Variants in STON1 observed in about 807,000 individuals in gnomAD.
The protein encoded by STON1 is stonin-1.
STON1 carries 79 observed loss-of-function variants against 60.9 expected under a neutral mutation model. The observed-to-expected ratio is 1.30, with a 90% CI of 1.08 to 1.56. STON1 has a LOEUF of 1.56. Ranked by LOEUF, STON1 falls within the 40% of genes most tolerant of loss-of-function variation. The pLI, the probability that STON1 is intolerant of heterozygous loss-of-function variation, is 0.00. For synonymous variants in STON1, 363 were observed against 306.9 expected (o/e 1.18, Z -1.91); for missense variants, 1,166 against 858.9 (o/e 1.36, Z -4.47).
At chr2:48,547,050 TATACTC>T (rs1244984563) in intron 1 of STON1, among the ~76,000 whole-genome samples, 4 of 152,140 alleles carry the variant, frequency 2.6e-5, no homozygotes, top group African/African-American at 9.7e-5. Flanking sequence ...CTATGGAAAA[TATACTC>T]AGAAGAGAGG....
chr2:48,587,582 C>G (rs186934198), intron 2 of STON1, among the ~76,000 whole-genome samples: 16 of 152,214 alleles, frequency 1.1e-4, no homozygotes, highest in Non-Finnish European at 8.8e-5. Context: ...TGAGCCACTG[C>G]GTCCGGCCTC....
Position 48,580,600 on chromosome 2 carries a change from G to T in STON1, c.-34G>T. ...TTTTTTTAACAGAGTCAACCTATTT[G>T]ATTTCTTGACAAGACCACAATCTGA... is the stretch of plus-strand genomic sequence containing the variant. On this transcript the variant is annotated 5_prime_UTR_variant, in exon 2 of 4. Transcript: ENST00000404752. 7.6e-7 allele frequency: 1 copy of T among 1,322,086 alleles called. No individual in the cohort carries two copies. Among genetic ancestry groups the T allele is most frequent in the Non-Finnish European group, 9.7e-7 (1 of 1,027,420 alleles). The allele number at this position is 1,322,086 out of a possible 1,614,324, so 81.9% of individuals were successfully genotyped here.
rs755677089 is a variant in STON1 at position 48,591,728 on chromosome 2, C to A, written c.2006C>A (p.Pro669Gln). ...CAAGAAATTCCCTCTGATTGGTATC[C>A]ATTTGCTACTGTTCAGTTTTCCGTG... ...SDQEIPSDWYPFATVQFSVPD... is the reference protein window; with the variant it reads ...SDQEIPSDWYQFATVQFSVPD... Residue 669 changes from proline (P) to glutamine (Q), a missense_variant, in exon 3 of 4, where the codon CCA becomes CAA. Physicochemically the swap from Pro to Gln is moderately conservative, Grantham distance 76. Transcript: ENST00000404752. 6.2e-7 allele frequency: 1 copy of A among 1,614,100 alleles called. No homozygotes were observed. The highest frequency in any genetic ancestry group is 8.5e-7 in the Non-Finnish European group (1 of 1,180,016).
rs147206568 is a variant in STON1 at position 48,541,087 on chromosome 2, C to T, written c.-48+10871C>T. Among the ~76,000 whole-genome samples, 940 of 152,288 alleles carry T rather than the reference C, an allele frequency of 6.2e-3. 10 individuals are homozygous for T. The highest frequency in any genetic ancestry group is 0.021 in the African/African-American group (887 of 41,566). ...ATTTTGGGCCGGGCACAGTGGCTCA[C>T]GCCTGTAATCCCAGAACTTTGGGAG... is the stretch of plus-strand genomic sequence containing the variant. On this transcript the variant is annotated intron_variant, in intron 1 of 3. Transcript: ENST00000404752.
chr2:48,549,649 TA>T (rs1291772428), intron 1 of STON1, among the ~76,000 whole-genome samples: 2 of 151,552 alleles, frequency 1.3e-5, no homozygotes, highest in Admixed American at 1.3e-4. Flanking sequence ...CCTTCTCTAC[TA>T]AAAATACAAA....
intron 2 of STON1, among the ~76,000 whole-genome samples, chr2:48,588,204 A>T (rs2103945451): frequency 6.6e-6 from 1 of 152,340 alleles, no homozygotes; most frequent in Admixed American, 6.5e-5. Flanking sequence ...CATCTGGCCC[A>T]AGGAATACGC....
At chr2:48,566,661 G>A (rs989384538) in intron 1 of STON1, among the ~76,000 whole-genome samples, 1 of 152,210 alleles carries the variant, frequency 6.6e-6, no homozygotes, top group African/African-American at 2.4e-5. Context: ...GGAAGGAGGG[G>A]TTGGTCCATG....
At position 48,580,584 on chromosome 2, in the gene STON1, CAG is replaced by C. The variant is rs774048659; in HGVS notation, c.-47_-46del. ...TTTTCTCTTTATTTTATTTTTTTAA[CAG>C]AGTCAACCTATTTGATTTCTTGACA... is the stretch of plus-strand genomic sequence containing the variant. On this transcript the variant is annotated splice_acceptor_variant, in intron 1 of 3. Transcript: ENST00000404752. LOFTEE classifies it low-confidence loss of function (5UTR_SPLICE). 1.3e-5 allele frequency: 17 copies of C among 1,317,202 alleles called. No homozygotes were observed. Among genetic ancestry groups the C allele is most frequent in the Non-Finnish European group, 1.7e-5 (17 of 1,024,458 alleles). 81.6% of individuals were successfully genotyped at this position (1,317,202 alleles called of 1,614,324 possible).
At chr2:48,553,718 T>A (rs1672196078) in intron 1 of STON1, among the ~76,000 whole-genome samples, 1 of 152,088 alleles carries the variant, frequency 6.6e-6, no homozygotes, top group Non-Finnish European at 1.5e-5. Context: ...GAACTCCTGA[T>A]CTCAAGTGAT....
intron 1 of STON1, among the ~76,000 whole-genome samples, chr2:48,563,983 G>A (rs1672720780): frequency 6.6e-6 from 1 of 151,980 alleles, no homozygotes; most frequent in African/African-American, 2.4e-5. Context: ...ACAGGTGTGA[G>A]CCACCACGCC....
chr2:48,563,179 C>T (rs1046134536), intron 1 of STON1, among the ~76,000 whole-genome samples: 3 of 152,188 alleles, frequency 2.0e-5, no homozygotes, highest in African/African-American at 7.2e-5. Flanking sequence ...TGGGAAATCC[C>T]CTGATTTCTC....
intron 1 of STON1, among the ~76,000 whole-genome samples, chr2:48,571,568 T>A (rs1673211398): frequency 6.6e-6 from 1 of 152,114 alleles, no homozygotes; most frequent in Non-Finnish European, 1.5e-5. Flanking sequence ...GATTCCAGGG[T>A]CTCAAAGTGC....
chr2:48,590,457 G>C (rs1481977625), intron 2 of STON1, among the ~76,000 whole-genome samples: 1 of 152,060 alleles, frequency 6.6e-6, no homozygotes, highest in Admixed American at 6.6e-5. Context: ...TCTTTCTCTA[G>C]CTATGTCAGT....
At chr2:48,537,796 G>C (rs1414296643) in intron 1 of STON1, among the ~76,000 whole-genome samples, 1 of 149,804 alleles carries the variant, frequency 6.7e-6, no homozygotes, top group African/African-American at 2.5e-5. Context: ...ATTGCAGTGT[G>C]CTGAGATTGC....
At chr2:48,594,452 T>C (rs748909096) in intron 3 of STON1, among the ~76,000 whole-genome samples, 2 of 152,186 alleles carry the variant, frequency 1.3e-5, no homozygotes, top group Non-Finnish European at 2.9e-5. Context: ...TAATTATCTG[T>C]TGCCAGATAC....
At chr2:48,547,002 G>C (rs989361452) in intron 1 of STON1, among the ~76,000 whole-genome samples, 1 of 152,176 alleles carries the variant, frequency 6.6e-6, no homozygotes, top group Non-Finnish European at 1.5e-5. Context: ...GTGAGTTTCT[G>C]TTGAGTCAAA....
At chr2:48,531,989 C>G (rs866281303) in intron 1 of STON1, 1 of 152,116 alleles carries the variant, frequency 6.6e-6, no homozygotes, top group Non-Finnish European at 1.5e-5. Context: ...TGCAGTTTGA[C>G]AGTTCCCCAT....
intron 1 of STON1, 119 bp from the exon 2 acceptor site, chr2:48,580,468 C>A: frequency 9.5e-7 from 1 of 1,053,584 alleles, no homozygotes; most frequent in South Asian, 4.9e-5. Context: ...TTTTTTTAAT[C>A]CACTTAGCCA....
At chr2:48,570,982 C>T (rs915379660) in intron 1 of STON1, among the ~76,000 whole-genome samples, 7 of 151,706 alleles carry the variant, frequency 4.6e-5, no homozygotes, top group South Asian at 2.1e-4. Context: ...CCTGCCTCAG[C>T]CTCCCGAGTA....
Sources: gnomAD v4.1 joint callset for allele counts (sites outside exome capture counted in the v4.1 genomes callset) on GRCh38, gnomAD v4.1.1 for gene constraint, MANE v1.5 for transcripts, NCBI Gene and HGNC (gene_info 2026-07-23, HGNC 2026-07-21) for gene names.